The following ABCC1 variants were observed in gnomAD, a reference collection of about 807,000 sequenced individuals.
ABCC1 encodes the protein multidrug resistance-associated protein 1.
ABCC1 carries 83 observed loss-of-function variants against 172.9 expected under a neutral mutation model. That is an observed-to-expected ratio of 0.48 (90% CI 0.40 to 0.58). ABCC1 has a LOEUF of 0.58. Among genes scored for constraint, ABCC1 ranks in the 20% least tolerant of loss-of-function variants. The pLI, the probability that ABCC1 is intolerant of heterozygous loss-of-function variation, is 0.00. For synonymous variants in ABCC1, 937 were observed against 825.2 expected (o/e 1.14, Z -2.32); for missense variants, 1,817 against 2,002.7 (o/e 0.91, Z 1.77).
In ABCC1 at chr16:16,090,402, C is replaced by T; in HGVS notation, c.2461-3C>T. 6.3e-7 allele frequency: 1 copy of T among 1,583,354 alleles called. No individual in the cohort carries two copies. The highest frequency in any genetic ancestry group is 8.6e-7 in the Non-Finnish European group (1 of 1,160,796). On this transcript the variant is annotated splice_polypyrimidine_tract_variant and splice_region_variant and intron_variant, in intron 18 of 30. Coordinates refer to ENST00000399410, the MANE Select transcript of ABCC1 (RefSeq NM_004996.4). ...CGTGGCCGGGTGTCCCCTTTGCCCACAGACGCGGATCTTGGTCACGCACAG... is the reference window on the plus strand; with the variant it reads ...CGTGGCCGGGTGTCCCCTTTGCCCATAGACGCGGATCTTGGTCACGCACAG...
intron 14 of ABCC1, 74 bp from the exon 15 acceptor site, chr16:16,076,252 A>G: frequency 2.8e-6 from 4 of 1,443,938 alleles, no homozygotes; most frequent in Non-Finnish European, 3.8e-6. Context: ...CCATTCAAGC[A>G]GAGAAAGAGA....
chr16:15,990,435 G>A (rs1482706431), intron 1 of ABCC1, among the ~76,000 whole-genome samples: 1 of 152,104 alleles, frequency 6.6e-6, no homozygotes, highest in East Asian at 1.9e-4. Context: ...GACTCATCTT[G>A]TATGACCAAA....
chr16:16,069,087 C>G (rs2050223672), intron 13 of ABCC1, among the ~76,000 whole-genome samples: 3 of 149,000 alleles, frequency 2.0e-5, no homozygotes, highest in African/African-American at 7.4e-5. Flanking sequence ...GCAGGTGGAT[C>G]TCTTAAGCCC....
intron 28 of ABCC1, among the ~76,000 whole-genome samples, chr16:16,135,518 C>T (rs535149712): frequency 6.6e-6 from 1 of 152,186 alleles, no homozygotes; most frequent in South Asian, 2.1e-4. Flanking sequence ...TGCAGTGGCA[C>T]GATCTCAGCT....
intron 1 of ABCC1, among the ~76,000 whole-genome samples, chr16:15,999,472 AG>A (rs2047170008): frequency 6.6e-6 from 1 of 151,564 alleles, no homozygotes; most frequent in Non-Finnish European, 1.5e-5. Flanking sequence ...GAGATTAGCC[AG>A]GCGTGGTGGC....
intron 23 of ABCC1, among the ~76,000 whole-genome samples, chr16:16,115,419 A>G (rs1318745839): frequency 6.6e-6 from 1 of 152,058 alleles, no homozygotes; most frequent in Admixed American, 6.6e-5. Context: ...CAGTGGCACA[A>G]TCTTGGCTTA....
At chr16:16,002,045 C>A (rs997688330) in intron 1 of ABCC1, among the ~76,000 whole-genome samples, 1 of 152,174 alleles carries the variant, frequency 6.6e-6, no homozygotes, top group Non-Finnish European at 1.5e-5. Flanking sequence ...AACACTCTTG[C>A]TTGAGTGTGA....
intron 19 of ABCC1, among the ~76,000 whole-genome samples, chr16:16,097,146 G>A (rs975955933): frequency 2.0e-5 from 3 of 151,932 alleles, no homozygotes; most frequent in East Asian, 1.9e-4. Context: ...GGAGTCTCAC[G>A]CTGTTGCCCA....
At chr16:16,058,875 C>T (rs979508235) in intron 12 of ABCC1, among the ~76,000 whole-genome samples, 1 of 151,090 alleles carries the variant, frequency 6.6e-6, no homozygotes, top group African/African-American at 2.4e-5. Context: ...AGGCTGGTCT[C>T]GAACTCCTGA....
At chr16:16,105,719 T>C (rs539467916) in intron 20 of ABCC1, among the ~76,000 whole-genome samples, 17 of 147,680 alleles carry the variant, frequency 1.2e-4, no homozygotes, top group East Asian at 3.9e-4. Context: ...CTTTTCTTTT[T>C]TTTTTTTTTT....
At chr16:16,104,053 T>C (rs2051928158) in intron 20 of ABCC1, among the ~76,000 whole-genome samples, 1 of 151,886 alleles carries the variant, frequency 6.6e-6, no homozygotes, top group Admixed American at 6.6e-5. Context: ...CTGGAGTCGT[T>C]CGTTCCTCCC....
intron 1 of ABCC1, among the ~76,000 whole-genome samples, chr16:15,966,491 T>C (rs1223781517): frequency 3.3e-5 from 5 of 150,648 alleles, no homozygotes; most frequent in Admixed American, 3.3e-4. Context: ...AGGAAGAAAA[T>C]TGGAGCTGTC....
intron 7 of ABCC1, among the ~76,000 whole-genome samples, chr16:16,037,728 G>A (rs1166299613): frequency 6.6e-6 from 1 of 152,164 alleles, no homozygotes; most frequent in Non-Finnish European, 1.5e-5. Context: ...ACCCCAGACC[G>A]GGGTTCTGTT....
At position 16,120,729 on chromosome 16, in the gene ABCC1, A is replaced by AGGG. The variant is rs565112296; in HGVS notation, c.3391-1244_3391-1242dup. Among the ~76,000 whole-genome samples, 117 of 152,130 alleles carry AGGG rather than the reference A, an allele frequency of 7.7e-4. 2 individuals carry two copies. The highest frequency in any genetic ancestry group is 2.7e-3 in the African/African-American group (111 of 41,506). On this transcript the variant is annotated intron_variant, in intron 23 of 30. Coordinates refer to ENST00000399410, the MANE Select transcript of ABCC1 (RefSeq NM_004996.4). ...CAGGCGGCCTGTGTGCAGGGAAGGA[A>AGGG]GGGGAGAGTTACAGGATGAGATGAG...
intron 1 of ABCC1, among the ~76,000 whole-genome samples, chr16:15,998,955 C>G (rs563930169): frequency 6.6e-6 from 1 of 152,240 alleles, no homozygotes; most frequent in East Asian, 1.9e-4. Flanking sequence ...CTCTCCAGAA[C>G]TCTTCCAAAT....
chr16:16,130,387 A>T (rs1277654754), intron 26 of ABCC1, among the ~76,000 whole-genome samples: 2 of 152,198 alleles, frequency 1.3e-5, no homozygotes, highest in African/African-American at 4.8e-5. Flanking sequence ...AACAAAATTC[A>T]CCCAACACTG....
At chr16:16,040,578 C>T (rs1400508557) in intron 7 of ABCC1, among the ~76,000 whole-genome samples, 10 of 152,064 alleles carry the variant, frequency 6.6e-5, no homozygotes, top group African/African-American at 1.2e-4. Context: ...TGAGCCACTG[C>T]GCCTGGCCTT....
intron 6 of ABCC1, among the ~76,000 whole-genome samples, chr16:16,034,137 C>G (rs2048660968): frequency 7.0e-6 from 1 of 142,538 alleles, no homozygotes. Flanking sequence ...AGGTGATGCT[C>G]CTGCCTCAGC....
chr16:15,998,114 G>A (rs1394397758), intron 1 of ABCC1, among the ~76,000 whole-genome samples: 2 of 150,778 alleles, frequency 1.3e-5, no homozygotes, highest in East Asian at 1.9e-4. Flanking sequence ...GACCCACTGC[G>A]CCCAGTCCCG....
Sources: gnomAD v4.1 joint callset for allele counts (sites outside exome capture counted in the v4.1 genomes callset) on GRCh38, gnomAD v4.1.1 for gene constraint, MANE v1.5 for transcripts, NCBI Gene and HGNC (gene_info 2026-07-23, HGNC 2026-07-21) for gene names.